Variants in SOS1 observed in about 807,000 individuals in gnomAD.
The protein encoded by SOS1 is SOS Ras/Rac guanine nucleotide exchange factor 1, also known as son of sevenless homolog 1.
In SOS1, 25 loss-of-function variants were observed where a neutral mutation model predicts 157.6. That is an observed-to-expected ratio of 0.16 (90% CI 0.12 to 0.22). The LOEUF is 0.22. Among genes scored for constraint, SOS1 ranks in the 10% least tolerant of loss-of-function variants. The pLI, the probability that SOS1 is intolerant of heterozygous loss-of-function variation, is 1.00. For synonymous variants in SOS1, 528 were observed against 534.0 expected (o/e 0.99, Z 0.16); for missense variants, 1,237 against 1,599.1 (o/e 0.77, Z 3.86).
At chr2:39,099,514 C>T (rs556096416) in intron 1 of SOS1, among the ~76,000 whole-genome samples, 67 of 152,042 alleles carry the variant, frequency 4.4e-4, no homozygotes, top group Admixed American at 9.2e-4. Context: ...ATTGATTGTG[C>T]AATAGTTGCA....
At chr2:39,057,910 C>G (rs1438926174) in intron 3 of SOS1, among the ~76,000 whole-genome samples, 2 of 151,728 alleles carry the variant, frequency 1.3e-5, no homozygotes, top group African/African-American at 4.8e-5. Context: ...ACTTAAGAGT[C>G]TTGTGAACTT....
chr2:39,014,815 T>C lies in SOS1; in HGVS notation c.1890A>G (p.Thr630=), dbSNP rs2124520231. The change falls in exon 11 of 23, where the codon ACA becomes ACG. Residue 630 remains threonine, a synonymous_variant. Transcript: ENST00000402219. ...DPNFVRTFLT[T]YRSFCKPQEL... ...CTTGAGGTTTGCAAAAGGATCTGTA[T>C]GTTGTAAGAAATGTCCGAACAAAAT... The C allele has an allele frequency of 1.9e-6, 3 of 1,600,898 alleles. No homozygotes were observed. Among genetic ancestry groups the C allele is most frequent in the Non-Finnish European group, 1.7e-6 (2 of 1,168,502 alleles).
intron 6 of SOS1, among the ~76,000 whole-genome samples, chr2:39,038,366 G>A (rs1054886335): frequency 1.3e-5 from 2 of 152,150 alleles, no homozygotes; most frequent in African/African-American, 2.4e-5. Flanking sequence ...AGTGGAGCCT[G>A]ATGATGTGAC....
intron 17 of SOS1, among the ~76,000 whole-genome samples, chr2:39,001,574 A>G (rs1402998543): frequency 6.6e-6 from 1 of 152,102 alleles, no homozygotes; most frequent in Non-Finnish European, 1.5e-5. Context: ...ACTATCCCTG[A>G]CCCTCCCCCA....
At chr2:39,101,921 C>T (rs1463045128) in intron 1 of SOS1, among the ~76,000 whole-genome samples, 4 of 151,802 alleles carry the variant, frequency 2.6e-5, no homozygotes, top group Non-Finnish European at 2.9e-5. Flanking sequence ...AAAAGTACTA[C>T]TTTAGGCCAG....
intron 20 of SOS1, among the ~76,000 whole-genome samples, chr2:38,991,913 T>G (rs1266112467): frequency 6.6e-6 from 1 of 152,158 alleles, no homozygotes; most frequent in Admixed American, 6.6e-5. Flanking sequence ...TAGATTATTT[T>G]GGGAAAAAAC....
intron 21 of SOS1, 26 bp downstream of exon 21, chr2:38,989,244 A>G: frequency 1.3e-6 from 2 of 1,525,754 alleles, no homozygotes; most frequent in South Asian, 1.1e-5. Context: ...AGCAAGAATT[A>G]TGAGTCTTAA....
chr2:39,014,925 A>G, intron 10 of SOS1, 79 bp from the exon 11 acceptor site: 2 of 851,314 alleles, frequency 2.3e-6, no homozygotes, highest in Non-Finnish European at 4.0e-6. Flanking sequence ...TTTTCAAAAT[A>G]GATCAAATAG....
chr2:39,120,293 T>TG (rs748677642), intron 1 of SOS1, 43 bp downstream of exon 1: 22 of 1,524,836 alleles, frequency 1.4e-5, no homozygotes, highest in Non-Finnish European at 1.9e-5. Flanking sequence ...GCGCCCGCGC[T>TG]GGGGGGCTGC....
chr2:39,089,518 A>G (rs537820771), intron 1 of SOS1, among the ~76,000 whole-genome samples: 1 of 132,334 alleles, frequency 7.6e-6, no homozygotes, highest in Admixed American at 8.2e-5. Flanking sequence ...AACAAGAACA[A>G]GACTCTGTCT....
At chr2:39,007,000 G>C in intron 16 of SOS1, 31 bp downstream of exon 16, 1 of 1,485,988 alleles carries the variant, frequency 6.7e-7, no homozygotes, top group South Asian at 1.1e-5. Context: ...GGGAATGAAA[G>C]TTCATTTTAA....
chr2:38,998,773 T>G (rs933374718), intron 17 of SOS1, among the ~76,000 whole-genome samples: 1 of 152,180 alleles, frequency 6.6e-6, no homozygotes, highest in Non-Finnish European at 1.5e-5. Context: ...TCTACCTTTT[T>G]CCCTAAAGTA....
In SOS1 at chr2:39,022,834, C is replaced by T; in HGVS notation, c.1594G>A (p.Glu532Lys). The T allele has an allele frequency of 6.2e-7, 1 of 1,613,586 alleles. No individual in the cohort carries two copies. The highest frequency in any genetic ancestry group is 8.5e-7 in the Non-Finnish European group (1 of 1,179,718). Residue 532 changes from glutamate to lysine, a missense_variant, in exon 10 of 23, where the codon GAA becomes AAA. By Grantham distance (56) the Glu-to-Lys change is moderately conservative. Transcript: ENST00000402219. ...NSVIFSAKSA[E>K]EKNNWMAALI... ...GCTGCCATCCAATTGTTTTTCTCTTCAGCTGACTTGGCAGAAAATATAACA... is the reference window on the plus strand; with the variant it reads ...GCTGCCATCCAATTGTTTTTCTCTTTAGCTGACTTGGCAGAAAATATAACA...
At chr2:38,998,592 G>C (rs1273110170) in intron 17 of SOS1, among the ~76,000 whole-genome samples, 2 of 152,122 alleles carry the variant, frequency 1.3e-5, no homozygotes, top group East Asian at 1.9e-4. Context: ...TAGTCTCTCT[G>C]TGCCTCAGTT....
intron 1 of SOS1, among the ~76,000 whole-genome samples, chr2:39,113,524 G>C (rs1572902001): frequency 1.3e-5 from 2 of 151,782 alleles, no homozygotes; most frequent in East Asian, 1.9e-4. Context: ...GGGGGAGGGA[G>C]GCCATGGTGC....
chr2:39,093,205 G>A (rs1572887212), intron 1 of SOS1, among the ~76,000 whole-genome samples: 2 of 152,078 alleles, frequency 1.3e-5, no homozygotes, highest in South Asian at 2.1e-4. Flanking sequence ...CCATTCTTCC[G>A]TATGTGAATA....
chr2:39,098,812 C>A (rs1035684817), intron 1 of SOS1, among the ~76,000 whole-genome samples: 1 of 152,106 alleles, frequency 6.6e-6, no homozygotes, highest in Admixed American at 6.6e-5. Flanking sequence ...TTGCCTGAAC[C>A]CGGAAGGTGG....
At chr2:39,082,927 A>G (rs909634529) in intron 1 of SOS1, among the ~76,000 whole-genome samples, 4 of 152,196 alleles carry the variant, frequency 2.6e-5, no homozygotes, top group African/African-American at 9.6e-5. Flanking sequence ...AGGAAATGTT[A>G]TATGTGGTCT....
In SOS1 at chr2:39,013,638, A is replaced by G. The variant is rs1669536573; in HGVS notation, c.2064-75T>C. Reference sequence around the variant, plus strand: ...TTATCACAATGCACAGTACAATACAAATGAAAATGCAGTAACTCTTACCAA... The same window carrying G: ...TTATCACAATGCACAGTACAATACAGATGAAAATGCAGTAACTCTTACCAA... On this transcript the variant is annotated intron_variant, in intron 12 of 22. Transcript: ENST00000402219. 34 of 1,065,552 alleles carry G rather than the reference A, an allele frequency of 3.2e-5. No individual in the cohort carries two copies. In the South Asian group the frequency reaches 4.0e-4, roughly 13 times the overall value. 66.0% of individuals were successfully genotyped at this position (1,065,552 alleles called of 1,614,324 possible). A position where few individuals can be genotyped will look rare whatever the true frequency, so the allele number is the denominator to read the frequency against.
Sources: allele counts gnomAD v4.1 joint callset (sites outside exome capture counted in the v4.1 genomes callset), GRCh38; gene constraint gnomAD v4.1.1; transcripts MANE v1.5; gene names NCBI Gene and HGNC (gene_info 2026-07-23, HGNC 2026-07-21).